The following TNFRSF11A variants were observed in gnomAD, a reference collection of about 807,000 sequenced individuals.
TNFRSF11A encodes TNF receptor superfamily member 11a, also known as tumor necrosis factor receptor superfamily member 11A.
TNFRSF11A carries 32 observed loss-of-function variants against 55.7 expected under a neutral mutation model. The ratio of observed to expected loss-of-function variants is 0.57; its 90% confidence interval spans 0.43 to 0.77. The LOEUF (loss-of-function observed/expected upper bound fraction) is 0.77. TNFRSF11A is among the 30% of genes least tolerant of loss of function. The pLI is 0.00. For missense variants in TNFRSF11A, 753 were observed against 809.8 expected (o/e 0.93, Z 0.85); for synonymous variants, 311 against 331.0 (o/e 0.94, Z 0.65).
Position 62,355,681 on chromosome 18 carries a change from TG to T in TNFRSF11A, c.427+1148del, listed in dbSNP as rs1909205503. Reference sequence around the variant, plus strand: ...TTATTATTACACAATTGGTCACAAATGAATATATCCTATTTTGCTATATTAT... The same window carrying T: ...TTATTATTACACAATTGGTCACAAATAATATATCCTATTTTGCTATATTAT... On this transcript the variant is annotated intron_variant, in intron 4 of 9. Transcript: ENST00000586569. Among the ~76,000 whole-genome samples the T allele has an allele frequency of 3.3e-5, 5 of 152,326 alleles. No homozygotes were observed. In the South Asian group the frequency reaches 1.0e-3, roughly 32 times the overall value.
At chr18:62,362,845 T>C (rs1909794126) in intron 7 of TNFRSF11A, among the ~76,000 whole-genome samples, 1 of 152,100 alleles carries the variant, frequency 6.6e-6, no homozygotes, top group Admixed American at 6.6e-5. Flanking sequence ...TATTTATTTA[T>C]TTACTTATTT....
At chr18:62,343,020 G>A (rs535219906) in intron 1 of TNFRSF11A, among the ~76,000 whole-genome samples, 258 of 152,268 alleles carry the variant, frequency 1.7e-3, no homozygotes, top group Non-Finnish European at 2.5e-3. Flanking sequence ...ATTCTGTTCT[G>A]GGTAGGATCA....
intron 9 of TNFRSF11A, among the ~76,000 whole-genome samples, chr18:62,377,373 C>G (rs1262737311): frequency 6.6e-6 from 1 of 152,166 alleles, no homozygotes; most frequent in Admixed American, 6.5e-5. Flanking sequence ...TTTGTGTGGA[C>G]ATAAGTTTTC....
At chr18:62,373,642 G>A (rs1910706447) in intron 9 of TNFRSF11A, among the ~76,000 whole-genome samples, 1 of 152,144 alleles carries the variant, frequency 6.6e-6, no homozygotes, top group South Asian at 2.1e-4. Flanking sequence ...TCTTTGGTCT[G>A]CTCTAGGGAG....
Position 62,354,395 on chromosome 18 carries a change from G to T in TNFRSF11A, c.288G>T (p.Lys96Asn). The change falls in exon 4 of 10, where the codon AAG becomes AAT. Residue 96 changes from lysine (K) to asparagine (N), a missense_variant. By Grantham distance (94) the Lys-to-Asn change is moderately conservative. Coordinates refer to ENST00000586569, the MANE Select transcript of TNFRSF11A (RefSeq NM_003839.4). ...CCTGTCTCTTGTCTCCCGCAGGCAAGGCCCTGGTGGCCGTGGTCGCCGGCA... is the reference window on the plus strand; with the variant it reads ...CCTGTCTCTTGTCTCCCGCAGGCAATGCCCTGGTGGCCGTGGTCGCCGGCA... The part of the protein sequence containing the change: ...CLLHKVCDTG[K>N]ALVAVVAGNS... 6.3e-7 allele frequency: 1 copy of T among 1,579,594 alleles called. No homozygotes were observed.
rs1043664973 is a variant in TNFRSF11A, at chr18:62,390,135, G to C, written c.*5101G>C. Reference sequence around the variant, plus strand: ...ATTCCTGGGCTCAGGAGCCATCTCAGTCATCATGTCGGACCACGTAACTAT... The same window carrying C: ...ATTCCTGGGCTCAGGAGCCATCTCACTCATCATGTCGGACCACGTAACTAT... On this transcript the variant is annotated 3_prime_UTR_variant, in exon 10 of 10. Coordinates refer to ENST00000586569, the MANE Select transcript of TNFRSF11A (RefSeq NM_003839.4). 6.6e-6 allele frequency: 1 copy of C among 152,148 alleles called. No homozygotes were observed. The highest frequency in any genetic ancestry group is 1.5e-5 in the Non-Finnish European group (1 of 68,058). 9.4% of individuals were successfully genotyped at this position (152,148 alleles called of 1,614,324 possible). A position where few individuals can be genotyped will look rare whatever the true frequency, so the allele number is the denominator to read the frequency against.
rs544565570 is a variant in TNFRSF11A, at chr18:62,360,112, C to A, written c.616+63C>A. ...CCCAGGGTGGTCAGCTGGTTTAGAT[C>A]CCTCCCAGATGGCACGTGGATTTGC... On this transcript the variant is annotated intron_variant, in intron 6 of 9. Coordinates refer to ENST00000586569, the MANE Select transcript of TNFRSF11A (RefSeq NM_003839.4). The A allele has an allele frequency of 7.1e-5, 99 of 1,390,126 alleles. 1 individual carries two copies. In the South Asian group the frequency reaches 1.1e-3, roughly 15 times the overall value. 86.1% of individuals were successfully genotyped at this position (1,390,126 alleles called of 1,614,324 possible).
intron 1 of TNFRSF11A, among the ~76,000 whole-genome samples, chr18:62,327,655 G>A (rs1360857178): frequency 6.6e-6 from 1 of 152,168 alleles, no homozygotes; most frequent in Non-Finnish European, 1.5e-5. Flanking sequence ...TCAAACACCA[G>A]GCAAGACTTC....
rs140741009 is a variant in TNFRSF11A at position 62,376,451 on chromosome 18, T to C, written c.1567+6967T>C. On this transcript the variant is annotated intron_variant, in intron 9 of 9. Transcript: ENST00000586569. ...GCCTATAAAAAACCTCTGGTCTTCA[T>C]GTTTTTAATGTAGACTATTTTTTAG... 1.8e-3 allele frequency among the ~76,000 whole-genome samples: 276 copies of C among 152,260 alleles called. 1 individual carries two copies. Among genetic ancestry groups the C allele is most frequent in the African/African-American group, 6.1e-3 (254 of 41,554 alleles).
intron 1 of TNFRSF11A, among the ~76,000 whole-genome samples, chr18:62,329,054 T>C (rs1366493257): frequency 6.6e-6 from 1 of 152,190 alleles, no homozygotes; most frequent in African/African-American, 2.4e-5. Context: ...GAAGGGGTAG[T>C]GTGGACTTCA....
At position 62,389,155 on chromosome 18, in the gene TNFRSF11A, C is replaced by A. The variant is rs1202902366; in HGVS notation, c.*4121C>A. 1 of 152,244 alleles carries A rather than the reference C, an allele frequency of 6.6e-6. No individual in the cohort carries two copies. Among genetic ancestry groups the A allele is most frequent in the Non-Finnish European group, 1.5e-5 (1 of 68,130 alleles). The allele number at this position is 152,244 out of a possible 1,614,324, so 9.4% of individuals were successfully genotyped here. On this transcript the variant is annotated 3_prime_UTR_variant, in exon 10 of 10. Transcript: ENST00000586569. ...GCTTTTAGTGGCAGGGCCCTGAGCA[C>A]CTGGGAAAGGAGATGAGGAGCGCTG...
At chr18:62,347,562 C>A (rs929399079) in intron 1 of TNFRSF11A, among the ~76,000 whole-genome samples, 1 of 152,166 alleles carries the variant, frequency 6.6e-6, no homozygotes, top group Non-Finnish European at 1.5e-5. Context: ...GCCCAGGAAG[C>A]CCCTACAACA....
chr18:62,325,795 T>C lies in TNFRSF11A; in HGVS notation c.75+368T>C, dbSNP rs2145224502. Among the ~76,000 whole-genome samples the C allele has an allele frequency of 6.6e-6, 1 of 152,338 alleles. No homozygotes were observed. Among genetic ancestry groups the C allele is most frequent in the Admixed American group, 6.5e-5 (1 of 15,306 alleles). Reference sequence around the variant, plus strand: ...CGCGGGAGACAGCGCCGTGGGCACCTCACTTGCGGCAGATAACCGTTCCCG... The same window carrying C: ...CGCGGGAGACAGCGCCGTGGGCACCCCACTTGCGGCAGATAACCGTTCCCG... On this transcript the variant is annotated intron_variant, in intron 1 of 9. Transcript: ENST00000586569. This position sits in a 1 kb window ranked among gnomAD's most constrained non-coding sequence, Gnocchi z 4.7.
chr18:62,343,545 G>A lies in TNFRSF11A; in HGVS notation c.76-4623G>A, dbSNP rs542715205. ...AGAATTAGACTCAACATGGCTTTGC[G>A]TAGGGAAATAAATCCACATTGCTTT... On this transcript the variant is annotated intron_variant, in intron 1 of 9. Transcript: ENST00000586569. Among the ~76,000 whole-genome samples, 32 of 152,200 alleles carry A rather than the reference G, an allele frequency of 2.1e-4. 1 individual carries two copies. The South Asian group carries it at 4.4e-3, about 21-fold the overall frequency.
intron 1 of TNFRSF11A, among the ~76,000 whole-genome samples, chr18:62,334,117 C>T (rs934796868): frequency 2.0e-5 from 3 of 152,152 alleles, no homozygotes; most frequent in African/African-American, 4.8e-5. Flanking sequence ...CTGCCCGCCT[C>T]GGCCTCCCAA....
At chr18:62,379,847 G>A (rs1228484198) in intron 9 of TNFRSF11A, among the ~76,000 whole-genome samples, 1 of 152,206 alleles carries the variant, frequency 6.6e-6, no homozygotes, top group Non-Finnish European at 1.5e-5. Flanking sequence ...AGCATAAGTG[G>A]AGAGCTTCTA....
intron 9 of TNFRSF11A, among the ~76,000 whole-genome samples, chr18:62,376,104 G>T (rs1910874373): frequency 6.6e-6 from 1 of 152,148 alleles, no homozygotes; most frequent in Admixed American, 6.5e-5. Context: ...CAGTAGCCAG[G>T]CCTGGCCTGG....
chr18:62,326,540 C>T (rs1315793649), intron 1 of TNFRSF11A, among the ~76,000 whole-genome samples: 1 of 152,132 alleles, frequency 6.6e-6, no homozygotes, highest in Non-Finnish European at 1.5e-5. Flanking sequence ...GGGGTGCTAC[C>T]TTATTTGAAC....
In TNFRSF11A at chr18:62,385,918, G is replaced by A. The variant is rs1418177982; in HGVS notation, c.*884G>A. ...CTGGAGATAGTTGCTAAGTTGCTAG[G>A]AACATGTGGTGGGACTTTCATATTC... On this transcript the variant is annotated 3_prime_UTR_variant, in exon 10 of 10. Coordinates refer to ENST00000586569, the MANE Select transcript of TNFRSF11A (RefSeq NM_003839.4). 6.6e-5 allele frequency: 10 copies of A among 152,168 alleles called. No homozygotes were observed. The highest frequency in any genetic ancestry group is 2.4e-4 in the African/African-American group (10 of 41,426). 9.4% of individuals were successfully genotyped at this position (152,168 alleles called of 1,614,324 possible). A position where few individuals can be genotyped will look rare whatever the true frequency, so the allele number is the denominator to read the frequency against.
Sources: gnomAD v4.1 joint callset for allele counts (sites outside exome capture counted in the v4.1 genomes callset) on GRCh38, gnomAD v4.1.1 for gene constraint, Gnocchi (gnomAD v3.1) non-coding constraint, MANE v1.5 for transcripts, NCBI Gene and HGNC (gene_info 2026-07-23, HGNC 2026-07-21) for gene names.